Variants in FBXW11 observed in about 807,000 individuals in gnomAD.
The protein encoded by FBXW11 is F-box/WD repeat-containing protein 11.
Under a neutral mutation model 77.6 loss-of-function variants are expected in FBXW11, and 19 were observed. The ratio of observed to expected loss-of-function variants is 0.24; its 90% CI spans 0.17 to 0.36. The LOEUF (loss-of-function observed/expected upper bound fraction) is 0.36, where lower values mean the gene tolerates loss of function less well. Among genes scored for constraint, FBXW11 ranks in the 10% least tolerant of loss-of-function variants. The pLI is 1.00. For synonymous variants in FBXW11, 235 were observed against 249.4 expected, an observed-to-expected ratio of 0.94 and a Z score of 0.54; for missense variants, 334 against 704.2, an observed-to-expected ratio of 0.47 and a Z score of 5.95.
chr5:171,877,286 T>C lies in FBXW11; in HGVS notation c.971+725A>G, dbSNP rs183733883. ...GAGATGACAGGAAGAAGGAGGCTTG[T>C]TGGCTGAAGAACTGAGAATGGTTCC... On this transcript the variant is annotated intron_variant, in intron 8 of 13. Transcript: ENST00000517395. 5.0e-3 allele frequency among the ~76,000 whole-genome samples: 768 copies of C among 152,250 alleles called. 4 individuals carry two copies. The highest frequency in any genetic ancestry group is 6.9e-3 in the Non-Finnish European group (469 of 68,006).
At chr5:171,866,785 CAA>C (rs1228064650) in intron 13 of FBXW11, among the ~76,000 whole-genome samples, 12 of 152,272 alleles carry the variant, frequency 7.9e-5, no homozygotes, top group African/African-American at 2.4e-4. Flanking sequence ...AGCAATCACT[CAA>C]GAGATCCTTG....
At chr5:171,974,113 T>A (rs539136905) in intron 1 of FBXW11, among the ~76,000 whole-genome samples, 5 of 152,232 alleles carry the variant, frequency 3.3e-5, no homozygotes. Flanking sequence ...TAATGTTTCA[T>A]AGCTACATGT....
intron 11 of FBXW11, among the ~76,000 whole-genome samples, chr5:171,870,458 CCCA>C (rs1757689956): frequency 1.3e-5 from 2 of 152,256 alleles, no homozygotes; most frequent in South Asian, 4.1e-4. Context: ...AGTCAATACC[CCCA>C]CATCAACTAT....
chr5:171,936,744 C>T (rs1581226485), intron 2 of FBXW11, among the ~76,000 whole-genome samples: 1 of 152,034 alleles, frequency 6.6e-6, no homozygotes, highest in African/African-American at 2.4e-5. Context: ...GTAAGGCAGG[C>T]AGGTCTTACA....
chr5:172,006,063 A>C (rs962759450), intron 1 of FBXW11, among the ~76,000 whole-genome samples: 47 of 152,008 alleles, frequency 3.1e-4, no homozygotes, highest in African/African-American at 1.1e-3. Flanking sequence ...ACTCGGCCTG[A>C]GTGGGGCTTG....
At chr5:171,968,981 C>T (rs771420673) in intron 1 of FBXW11, among the ~76,000 whole-genome samples, 4 of 152,074 alleles carry the variant, frequency 2.6e-5, no homozygotes, top group Non-Finnish European at 5.9e-5. Context: ...TTAGAACACA[C>T]GGAAGGGGCC....
intron 2 of FBXW11, among the ~76,000 whole-genome samples, chr5:171,956,672 T>C (rs1763630047): frequency 6.6e-6 from 1 of 152,194 alleles, no homozygotes; most frequent in South Asian, 2.1e-4. Flanking sequence ...CCATCAATAA[T>C]ATCCCTCTAA....
chr5:171,891,556 G>T lies in FBXW11; in HGVS notation c.763C>A (p.Gln255Lys), dbSNP rs1759347891. 1 of 1,611,244 alleles carries T rather than the reference G, an allele frequency of 6.2e-7. No individual in the cohort carries two copies. ...CCTTTACTATTTTCAGAGCGGCACT[G>T]AATCCTCTGCAAGTTGTGTCGTCCA... ...RCGRHNLQRIQCRSENSKGVY... is the reference protein window; with the variant it reads ...RCGRHNLQRIKCRSENSKGVY... Residue 255 changes from glutamine (Q) to lysine (K), a missense_variant, in exon 7 of 14, where the codon CAG (glutamine) becomes AAG (lysine). Coordinates refer to ENST00000517395, the MANE Select transcript of FBXW11 (RefSeq NM_001378974.1).
At chr5:171,982,766 G>A (rs1448024502) in intron 1 of FBXW11, among the ~76,000 whole-genome samples, 1 of 152,014 alleles carries the variant, frequency 6.6e-6, no homozygotes, top group Non-Finnish European at 1.5e-5. Flanking sequence ...AGGTAAGTTA[G>A]GCCTCAGGAA....
rs755955795 is a variant in FBXW11, at chr5:171,900,009, C to T, written c.528G>A (p.Gln176=). ...AAAGCATTCCTTCTGAGATCACTCG[C>T]TGCCATTCTTTACATACCAGCTCTG... ...CAAELVCKEW[Q]RVISEGMLWK... is the part of the protein sequence containing the mutation. Residue 176 remains glutamine (Q), a synonymous_variant, in exon 5 of 14, where the codon CAG becomes CAA. Coordinates refer to ENST00000517395, the MANE Select transcript of FBXW11 (RefSeq NM_001378974.1). The T allele has an allele frequency of 2.5e-6, 4 of 1,613,840 alleles. No homozygotes were observed. The highest frequency in any genetic ancestry group is 1.1e-5 in the South Asian group (1 of 91,064).
At chr5:171,925,838 G>A (rs1021815851) in intron 2 of FBXW11, among the ~76,000 whole-genome samples, 1 of 152,092 alleles carries the variant, frequency 6.6e-6, no homozygotes, top group African/African-American at 2.4e-5. Flanking sequence ...GCAGGTAAAA[G>A]AACAAATGGT....
chr5:171,973,155 T>A (rs1372040564), intron 1 of FBXW11, among the ~76,000 whole-genome samples: 1 of 152,200 alleles, frequency 6.6e-6, no homozygotes, highest in Non-Finnish European at 1.5e-5. Context: ...CACACTGAAC[T>A]TGAATCTAAC....
intron 9 of FBXW11, among the ~76,000 whole-genome samples, chr5:171,875,148 G>A (rs1213642923): frequency 6.6e-6 from 1 of 152,004 alleles, no homozygotes; most frequent in African/African-American, 2.4e-5. Flanking sequence ...TGGGTGTGGT[G>A]GCTCATGCCT....
In FBXW11 at chr5:171,876,678, T is replaced by C. The variant is rs1215643903; in HGVS notation, c.972-144A>G. On this transcript the variant is annotated intron_variant, in intron 8 of 13. Coordinates refer to ENST00000517395, the MANE Select transcript of FBXW11 (RefSeq NM_001378974.1). The surrounding 1 kb of genome is among the most constrained non-coding windows in gnomAD (Gnocchi z 4.2). ...ATCTCATGTTGAAATTGATCCTCAATGTTGGAGGTGGGGCCTGGCAGGAGA... is the reference window on the plus strand; with the variant it reads ...ATCTCATGTTGAAATTGATCCTCAACGTTGGAGGTGGGGCCTGGCAGGAGA... 2.7e-6 allele frequency: 3 copies of C among 1,103,968 alleles called. No individual in the cohort carries two copies. The highest frequency in any genetic ancestry group is 3.9e-6 in the Non-Finnish European group (3 of 773,844). 68.4% of individuals were successfully genotyped at this position (1,103,968 alleles called of 1,614,324 possible).
intron 4 of FBXW11, among the ~76,000 whole-genome samples, chr5:171,905,596 C>CCCA (rs1561669437): frequency 3.9e-5 from 4 of 102,268 alleles, no homozygotes; most frequent in South Asian, 5.6e-4. Context: ...CTAACCCCCC[C>CCCA]CCCTTTATTT....
intron 1 of FBXW11, among the ~76,000 whole-genome samples, chr5:171,969,894 G>A (rs956151048): frequency 2.0e-5 from 3 of 152,188 alleles, no homozygotes; most frequent in South Asian, 4.1e-4. Context: ...CAGTAGAGAC[G>A]GGGTTTCACT....
At chr5:171,922,900 T>TGTGTGC (rs959531122) in intron 2 of FBXW11, among the ~76,000 whole-genome samples, 2 of 151,936 alleles carry the variant, frequency 1.3e-5, no homozygotes, top group Non-Finnish European at 2.9e-5. Flanking sequence ...ACCAATCGTG[T>TGTGTGC]GTGTGCGTGT....
intron 7 of FBXW11, among the ~76,000 whole-genome samples, chr5:171,885,926 CA>C (rs1000998673): frequency 6.6e-6 from 1 of 151,478 alleles, no homozygotes; most frequent in African/African-American, 2.4e-5. Flanking sequence ...CAGAATAGAG[CA>C]AAAAAAAGGT....
chr5:171,880,497 T>C (rs1468064746), intron 7 of FBXW11, among the ~76,000 whole-genome samples: 1 of 152,218 alleles, frequency 6.6e-6, no homozygotes, highest in East Asian at 1.9e-4. Context: ...GAGACTGCAT[T>C]GAACCTACAG....
Sources: gnomAD v4.1 joint callset for allele counts (sites outside exome capture counted in the v4.1 genomes callset) on GRCh38, gnomAD v4.1.1 for gene constraint, Gnocchi (gnomAD v3.1) non-coding constraint, MANE v1.5 for transcripts, NCBI Gene and HGNC (gene_info 2026-07-23, HGNC 2026-07-21) for gene names.